Variants in DLGAP4 observed in about 807,000 individuals in gnomAD.
The protein encoded by DLGAP4 is DLG associated protein 4.
DLGAP4 carries 18 observed loss-of-function variants against 86.9 expected under a neutral mutation model. That is an observed-to-expected ratio of 0.21 (90% CI 0.14 to 0.31). The LOEUF (loss-of-function observed/expected upper bound fraction) is 0.31, where lower values mean the gene tolerates loss of function less well. Ranked by LOEUF, DLGAP4 falls within the 10% of genes least tolerant of loss-of-function variation. The pLI, the probability that DLGAP4 is intolerant of heterozygous loss-of-function variation, is 1.00. For synonymous variants in DLGAP4, 548 were observed against 574.3 expected, an observed-to-expected ratio of 0.95 and a Z score of 0.65; for missense variants, 1,085 against 1,362.6, an observed-to-expected ratio of 0.80 and a Z score of 3.21.
At chr20:36,339,752 G>A (rs1276496166) in intron 1 of DLGAP4, among the ~76,000 whole-genome samples, 1 of 152,252 alleles carries the variant, frequency 6.6e-6, no homozygotes, top group African/African-American at 2.4e-5. Flanking sequence ...TGGGCCATCT[G>A]CAGGACCAGC....
chr20:36,409,721 AAAAAG>A (rs1301219699), intron 2 of DLGAP4, among the ~76,000 whole-genome samples: 4 of 149,868 alleles, frequency 2.7e-5, no homozygotes, highest in Non-Finnish European at 5.9e-5. Context: ...TCAAAAAAAA[AAAAAG>A]AAACATAATA....
intron 1 of DLGAP4, among the ~76,000 whole-genome samples, chr20:36,319,015 C>T (rs1049353762): frequency 3.3e-5 from 5 of 151,870 alleles, no homozygotes; most frequent in Admixed American, 1.3e-4. Flanking sequence ...TGGTGGTGCA[C>T]GCCTGTAGTC....
chr20:36,462,809 C>T (rs899167882), intron 7 of DLGAP4, among the ~76,000 whole-genome samples: 2 of 152,330 alleles, frequency 1.3e-5, no homozygotes, highest in South Asian at 2.1e-4. Flanking sequence ...GCTTTAGTTG[C>T]TTGAGTGTGT....
intron 1 of DLGAP4, among the ~76,000 whole-genome samples, chr20:36,307,057 C>A (rs782539281): frequency 6.6e-6 from 1 of 152,096 alleles, no homozygotes; most frequent in Non-Finnish European, 1.5e-5. Flanking sequence ...GCCGCCGGCT[C>A]CCCCCTTCCC....
chr20:36,455,754 G>C (rs921625442), intron 7 of DLGAP4, among the ~76,000 whole-genome samples: 4 of 151,806 alleles, frequency 2.6e-5, no homozygotes, highest in Non-Finnish European at 4.4e-5. Context: ...CTTCTTCTCT[G>C]ACTGCCCTCC....
intron 1 of DLGAP4, among the ~76,000 whole-genome samples, chr20:36,339,022 T>C (rs1306592783): frequency 6.6e-6 from 1 of 152,156 alleles, no homozygotes; most frequent in Admixed American, 6.5e-5. Context: ...TCGGGAGACA[T>C]TGCAGATTTT....
At chr20:36,395,962 G>A (rs1247026164) in intron 2 of DLGAP4, among the ~76,000 whole-genome samples, 1 of 152,158 alleles carries the variant, frequency 6.6e-6, no homozygotes, top group Non-Finnish European at 1.5e-5. Context: ...AGGTCCCTGA[G>A]ACTGGCTGGG....
intron 1 of DLGAP4, among the ~76,000 whole-genome samples, chr20:36,341,968 G>A (rs1249087414): frequency 2.6e-5 from 4 of 152,182 alleles, no homozygotes; most frequent in African/African-American, 9.7e-5. Context: ...ATTTCTTTGA[G>A]CAGATTGAAG....
At chr20:36,516,363 A>G (rs1418396374) in intron 10 of DLGAP4, among the ~76,000 whole-genome samples, 2 of 152,160 alleles carry the variant, frequency 1.3e-5, no homozygotes, top group Admixed American at 1.3e-4. Flanking sequence ...GCCATGCCTC[A>G]GAGTTTTAAT....
At chr20:36,357,282 C>T (rs1363761077) in intron 1 of DLGAP4, among the ~76,000 whole-genome samples, 1 of 152,172 alleles carries the variant, frequency 6.6e-6, no homozygotes, top group Non-Finnish European at 1.5e-5. Context: ...GCCTTTTGTA[C>T]CAGCTGTTCC....
intron 7 of DLGAP4, among the ~76,000 whole-genome samples, chr20:36,460,896 G>A (rs1393917990): frequency 6.6e-6 from 1 of 152,246 alleles, no homozygotes; most frequent in African/African-American, 2.4e-5. Flanking sequence ...GCCTCCAGAG[G>A]CGGAGCCGGG....
intron 7 of DLGAP4, among the ~76,000 whole-genome samples, chr20:36,491,400 G>C (rs1261536980): frequency 2.0e-5 from 3 of 152,146 alleles, no homozygotes; most frequent in Non-Finnish European, 4.4e-5. Context: ...CAACTGGCTT[G>C]TGTCTGGGCT....
intron 1 of DLGAP4, among the ~76,000 whole-genome samples, chr20:36,332,438 G>A (rs2065278824): frequency 6.6e-6 from 1 of 152,062 alleles, no homozygotes; most frequent in South Asian, 2.1e-4. Flanking sequence ...TGCTCAGGTT[G>A]GAGTGCAGTG....
At chr20:36,516,463 C>G (rs567543143) in intron 10 of DLGAP4, among the ~76,000 whole-genome samples, 2 of 151,694 alleles carry the variant, frequency 1.3e-5, no homozygotes, top group African/African-American at 4.8e-5. Context: ...CTCAGGAGTT[C>G]GAGACCAGCC....
At chr20:36,490,487 C>T (rs1451076309) in intron 7 of DLGAP4, among the ~76,000 whole-genome samples, 2 of 152,186 alleles carry the variant, frequency 1.3e-5, no homozygotes, top group East Asian at 1.9e-4. Context: ...AACCAGCCCT[C>T]AGCCCTTCCA....
At chr20:36,499,701 G>C in intron 9 of DLGAP4, 25 bp downstream of exon 9, 2 of 1,593,006 alleles carry the variant, frequency 1.3e-6, no homozygotes, top group East Asian at 2.2e-5. Context: ...GGTGGCGGCT[G>C]CTTCTCCCCT....
intron 2 of DLGAP4, among the ~76,000 whole-genome samples, chr20:36,375,567 G>T (rs1038746031): frequency 2.0e-5 from 3 of 152,192 alleles, no homozygotes; most frequent in Non-Finnish European, 4.4e-5. Context: ...CAGGAGAGAA[G>T]CATCTCCATC....
At chr20:36,332,104 T>A (rs779457496) in intron 1 of DLGAP4, among the ~76,000 whole-genome samples, 5 of 152,064 alleles carry the variant, frequency 3.3e-5, no homozygotes, top group Non-Finnish European at 7.4e-5. Flanking sequence ...GGTGATGTGA[T>A]CAGATTCATG....
At chr20:36,501,893 TA>T (rs1177431847) in intron 10 of DLGAP4, among the ~76,000 whole-genome samples, 1 of 152,188 alleles carries the variant, frequency 6.6e-6, no homozygotes. Flanking sequence ...AATAGTATTT[TA>T]AAAAATCAAA....
Sources: allele counts gnomAD v4.1 joint callset (sites outside exome capture counted in the v4.1 genomes callset), GRCh38; gene constraint gnomAD v4.1.1; transcripts MANE v1.5; gene names NCBI Gene and HGNC (gene_info 2026-07-23, HGNC 2026-07-21).